SPAG16: variants seen among roughly 807,000 people sequenced by gnomAD.
SPAG16 encodes sperm associated antigen 16.
Under a neutral mutation model 80.4 loss-of-function variants are expected in SPAG16, and 86 were observed. The ratio of observed to expected loss-of-function variants is 1.07; its 90% confidence interval spans 0.90 to 1.28. The LOEUF is 1.28. Ranked by LOEUF, SPAG16 falls within the 50% of genes most tolerant of loss-of-function variation. The probability of loss-of-function intolerance (pLI) is 0.00; values close to 1 mark genes in which losing one functional copy is unlikely to be tolerated. For missense variants in SPAG16, 870 were observed against 765.3 expected (o/e 1.14, Z -1.61); for synonymous variants, 294 against 265.9 (o/e 1.11, Z -1.03).
At position 213,722,572 on chromosome 2, in the gene SPAG16, C is replaced by T. The variant is rs111932675; in HGVS notation, c.1071-139913C>T. Among the ~76,000 whole-genome samples the T allele has an allele frequency of 8.5e-5, 13 of 152,184 alleles. 1 individual carries two copies. The highest frequency in any genetic ancestry group is 2.4e-4 in the African/African-American group (10 of 41,520). ...GGGTCAAACTATACGGCCTTCAGAA[C>T]CTAGTACTTGAGATGGAATCAGTAC... On this transcript the variant is annotated intron_variant, in intron 10 of 15. Transcript: ENST00000331683.
intron 9 of SPAG16, among the ~76,000 whole-genome samples, chr2:213,377,954 G>A (rs1473080818): frequency 6.6e-6 from 1 of 150,702 alleles, no homozygotes; most frequent in African/African-American, 2.4e-5. Flanking sequence ...TATATATGGG[G>A]AGTTTATTAA....
At chr2:214,351,698 G>C (rs1156239651) in intron 15 of SPAG16, among the ~76,000 whole-genome samples, 1 of 145,992 alleles carries the variant, frequency 6.8e-6, no homozygotes, top group East Asian at 2.0e-4. Flanking sequence ...GCGAGACTCC[G>C]TCTCAAAACA....
At chr2:214,123,071 C>A (rs546070151) in intron 14 of SPAG16, among the ~76,000 whole-genome samples, 1 of 151,384 alleles carries the variant, frequency 6.6e-6, no homozygotes. Context: ...AAAAGTGAAA[C>A]GCTTTAAAAA....
At chr2:213,996,337 A>G (rs1002655966) in intron 12 of SPAG16, among the ~76,000 whole-genome samples, 1 of 152,200 alleles carries the variant, frequency 6.6e-6, no homozygotes, top group African/African-American at 2.4e-5. Context: ...TGCATTATGC[A>G]TGTAACTATT....
intron 10 of SPAG16, among the ~76,000 whole-genome samples, chr2:213,625,026 C>T (rs1050205298): frequency 2.0e-5 from 3 of 152,100 alleles, no homozygotes; most frequent in African/African-American, 7.2e-5. Flanking sequence ...CCTGACCCCT[C>T]AGGTCATCTG....
chr2:213,325,443 G>A (rs1009464792), intron 5 of SPAG16, among the ~76,000 whole-genome samples: 3 of 151,956 alleles, frequency 2.0e-5, no homozygotes, highest in Non-Finnish European at 2.9e-5. Flanking sequence ...ATACATAATT[G>A]TTCTGGCACC....
At chr2:214,040,983 TC>T (rs2048973405) in intron 13 of SPAG16, among the ~76,000 whole-genome samples, 3 of 152,204 alleles carry the variant, frequency 2.0e-5, no homozygotes, top group Non-Finnish European at 2.9e-5. Context: ...GTAAATTGGA[TC>T]TTCTTTGCCT....
intron 10 of SPAG16, among the ~76,000 whole-genome samples, chr2:213,659,864 A>C (rs2063352911): frequency 6.6e-6 from 1 of 152,180 alleles, no homozygotes; most frequent in South Asian, 2.1e-4. Flanking sequence ...TTATATATTT[A>C]TATACATCTG....
At chr2:213,488,768 C>G (rs2074103965) in intron 9 of SPAG16, among the ~76,000 whole-genome samples, 1 of 152,034 alleles carries the variant, frequency 6.6e-6, no homozygotes, top group Non-Finnish European at 1.5e-5. Context: ...ATATGTACTA[C>G]TTTGTTAATT....
intron 15 of SPAG16, among the ~76,000 whole-genome samples, chr2:214,294,511 C>T (rs943195443): frequency 2.0e-5 from 3 of 152,210 alleles, no homozygotes; most frequent in African/African-American, 7.2e-5. Flanking sequence ...AGTCAACCCT[C>T]TTCCCTTATG....
At chr2:213,916,295 G>T (rs1448392777) in intron 11 of SPAG16, among the ~76,000 whole-genome samples, 1 of 152,114 alleles carries the variant, frequency 6.6e-6, no homozygotes, top group Non-Finnish European at 1.5e-5. Context: ...TTTGTATAAG[G>T]TGTAAGGAAG....
At chr2:214,164,659 G>A (rs2056578142) in intron 15 of SPAG16, among the ~76,000 whole-genome samples, 1 of 152,034 alleles carries the variant, frequency 6.6e-6, no homozygotes, top group African/African-American at 2.4e-5. Context: ...ACATTTGATG[G>A]GGTATAGGTA....
chr2:214,397,287 C>T (rs1049090555), intron 15 of SPAG16, among the ~76,000 whole-genome samples: 1 of 151,524 alleles, frequency 6.6e-6, no homozygotes, highest in Non-Finnish European at 1.5e-5. Flanking sequence ...TCCCAAGTAG[C>T]TGGGACTACA....
At position 213,310,151 on chromosome 2, in the gene SPAG16, A is replaced by T. The variant is rs2063122901; in HGVS notation, c.372A>T (p.Arg124Ser). The T allele has an allele frequency of 1.2e-6, 2 of 1,609,894 alleles. No individual in the cohort carries two copies. The highest frequency in any genetic ancestry group is 2.2e-5 in the East Asian group (1 of 44,726). The change falls in exon 4 of 16, where the codon AGA becomes AGT. Residue 124 changes from arginine (R) to serine (S), a missense_variant. By Grantham distance (110) the Arg-to-Ser change is moderately radical. Transcript: ENST00000331683. ...TCTTGATCAAAATGGGAATGACCAG[A>T]ACTCTTGATTGCTTTCAGTCTGAAT... is the stretch of plus-strand genomic sequence containing the variant. ...CNFLIKMGMT[R>S]TLDCFQSEWY... is the part of the protein sequence containing the mutation.
intron 9 of SPAG16, among the ~76,000 whole-genome samples, chr2:213,484,088 GC>G (rs1274720435): frequency 6.7e-6 from 1 of 148,168 alleles, no homozygotes; most frequent in Admixed American, 6.6e-5. Context: ...TCATTTTATG[GC>G]TTCAGCCTTA....
intron 10 of SPAG16, among the ~76,000 whole-genome samples, chr2:213,765,958 G>C (rs1391653934): frequency 1.3e-5 from 2 of 152,200 alleles, no homozygotes; most frequent in Non-Finnish European, 2.9e-5. Context: ...AGTCAAACAA[G>C]AATGAATGTA....
intron 11 of SPAG16, among the ~76,000 whole-genome samples, chr2:213,892,378 A>G (rs1272821867): frequency 6.6e-6 from 1 of 152,136 alleles, no homozygotes; most frequent in African/African-American, 2.4e-5. Flanking sequence ...ATAAATACCT[A>G]ATCTTTCAAT....
intron 5 of SPAG16, among the ~76,000 whole-genome samples, chr2:213,321,153 T>C (rs1418046322): frequency 1.3e-5 from 2 of 152,050 alleles, no homozygotes; most frequent in Non-Finnish European, 2.9e-5. Context: ...TAATAATTTT[T>C]AATACACAAA....
chr2:213,866,046 T>G (rs975472509), intron 11 of SPAG16, among the ~76,000 whole-genome samples: 1 of 151,396 alleles, frequency 6.6e-6, no homozygotes, highest in African/African-American at 2.4e-5. Flanking sequence ...TTAAAAACTG[T>G]TGAAGAAACT....
Sources: gnomAD v4.1 joint callset for allele counts (sites outside exome capture counted in the v4.1 genomes callset) on GRCh38, gnomAD v4.1.1 for gene constraint, MANE v1.5 for transcripts, NCBI Gene and HGNC (gene_info 2026-07-23, HGNC 2026-07-21) for gene names.